Variants in OR2T1 observed in about 807,000 individuals in gnomAD.
OR2T1 encodes olfactory receptor family 2 subfamily T member 1, also known as olfactory receptor 2T1.
For synonymous variants in OR2T1, 186 were observed against 145.4 expected (o/e 1.28, Z -2.01); for missense variants, 440 against 390.2 (o/e 1.13, Z -1.07).
chr1:248,406,702 G>C lies in OR2T1; in HGVS notation c.555G>C (p.Lys185Asn). Residue 185 changes from lysine to asparagine, a missense_variant, in exon 2 of 2, where the codon AAG becomes AAC. By Grantham distance (94) the Lys-to-Asn change is moderately conservative. Coordinates refer to ENST00000642005, the MANE Select transcript of OR2T1 (RefSeq NM_030904.2). ...TCTGTGAGGCACCAGCAGTCCTGAAGTTGGCATGTGCAGACACAGCCCTCT... is the reference window on the plus strand; with the variant it reads ...TCTGTGAGGCACCAGCAGTCCTGAACTTGGCATGTGCAGACACAGCCCTCT... Reference protein sequence around the residue: ...HFFCEAPAVLKLACADTALYE... With the variant: ...HFFCEAPAVLNLACADTALYE... The C allele has an allele frequency of 6.2e-7, 1 of 1,614,152 alleles. No individual in the cohort carries two copies. Among genetic ancestry groups the C allele is most frequent in the Non-Finnish European group, 8.5e-7 (1 of 1,180,010 alleles).
Position 248,406,124 on chromosome 1 carries a change from T to G in OR2T1, c.-24T>G. 1 of 1,614,128 alleles carries G rather than the reference T, an allele frequency of 6.2e-7. No individual in the cohort carries two copies. Among genetic ancestry groups the G allele is most frequent in the Non-Finnish European group, 8.5e-7 (1 of 1,179,960 alleles). The stretch of plus-strand genomic sequence containing the variant: ...TCATCTTATTTGGAAGATATTACCT[T>G]ATATCGGCACAACTGTAGGATCAAT... On this transcript the variant is annotated 5_prime_UTR_variant, in exon 2 of 2. Transcript: ENST00000642005.
At chr1:248,404,200 G>C in intron 1 of OR2T1, among the ~76,000 whole-genome samples, 1 of 74 alleles carries the variant, frequency 0.014, no homozygotes, top group Admixed American at 0.17. Context: ...ATATACGTGT[G>C]TGTGTGTGTG....
chr1:248,403,736 A>G (rs1292746552), intron 1 of OR2T1, among the ~76,000 whole-genome samples: 1 of 152,180 alleles, frequency 6.6e-6, no homozygotes, highest in African/African-American at 2.4e-5. Context: ...CACTCTAGTG[A>G]GAGAGCAGAT....
At chr1:248,404,751 C>G (rs1661520649) in intron 1 of OR2T1, among the ~76,000 whole-genome samples, 1 of 151,960 alleles carries the variant, frequency 6.6e-6, no homozygotes, top group Non-Finnish European at 1.5e-5. Context: ...ATGCTTGGTA[C>G]ATTTTATTTG....
At chr1:248,405,859 G>C in intron 1 of OR2T1, 2 of 738,104 alleles carry the variant, frequency 2.7e-6, no homozygotes, top group Non-Finnish European at 4.4e-6. Context: ...CTTAGGCATT[G>C]TTATGCACAT....
chr1:248,407,960 C>G lies in OR2T1; in HGVS notation c.*856C>G, dbSNP rs1661607556. ...ATTTACAATCACTTGGTCAAAAGTA[C>G]AGGACAACTTGGGGCTTTTAATTGG... is the stretch of plus-strand genomic sequence containing the variant. On this transcript the variant is annotated 3_prime_UTR_variant, in exon 2 of 2. Coordinates refer to ENST00000642005, the MANE Select transcript of OR2T1 (RefSeq NM_030904.2). 1 of 152,312 alleles carries G rather than the reference C, an allele frequency of 6.6e-6. No individual in the cohort carries two copies. The highest frequency in any genetic ancestry group is 2.4e-5 in the African/African-American group (1 of 41,470). The allele number at this position is 152,312 out of a possible 1,614,324, so 9.4% of individuals were successfully genotyped here.
intron 1 of OR2T1, among the ~76,000 whole-genome samples, chr1:248,403,999 TTA>T (rs144768956): frequency 0.012 from 1,808 of 149,732 alleles, 35 homozygotes; most frequent in African/African-American, 0.04. Context: ...ATGTATATAC[TTA>T]TATATATATA....
In OR2T1 at chr1:248,407,988, C is replaced by A. The variant is rs1661608724; in HGVS notation, c.*884C>A. Reference sequence around the variant, plus strand: ...GACAACTTGGGGCTTTTAATTGGCACTGGAAATGGAAGGCAGTGTTATGGG... The same window carrying A: ...GACAACTTGGGGCTTTTAATTGGCAATGGAAATGGAAGGCAGTGTTATGGG... On this transcript the variant is annotated 3_prime_UTR_variant, in exon 2 of 2. Transcript: ENST00000642005. 1 of 152,290 alleles carries A rather than the reference C, an allele frequency of 6.6e-6. No homozygotes were observed. Among genetic ancestry groups the A allele is most frequent in the South Asian group, 2.1e-4 (1 of 4,836 alleles). 9.4% of individuals were successfully genotyped at this position (152,290 alleles called of 1,614,324 possible).
intron 1 of OR2T1, among the ~76,000 whole-genome samples, chr1:248,405,580 G>A: frequency 6.6e-6 from 1 of 152,008 alleles, no homozygotes; most frequent in East Asian, 1.9e-4. Context: ...CTTATAATTT[G>A]TCTGGGACAT....
chr1:248,406,722 C>A lies in OR2T1; in HGVS notation c.575C>A (p.Ala192Asp). 1 of 1,614,080 alleles carries A rather than the reference C, an allele frequency of 6.2e-7. No individual in the cohort carries two copies. The highest frequency in any genetic ancestry group is 8.5e-7 in the Non-Finnish European group (1 of 1,179,986). ...AVLKLACADTALYETVMYVCC... is the reference protein window; with the variant it reads ...AVLKLACADTDLYETVMYVCC... ...CTGAAGTTGGCATGTGCAGACACAG[C>A]CCTCTACGAGACAGTGATGTATGTG... Residue 192 changes from alanine (A) to aspartate (D), a missense_variant, in exon 2 of 2, where the codon GCC becomes GAC. Ala to Asp is a moderately radical substitution (Grantham distance 126). Coordinates refer to ENST00000642005, the MANE Select transcript of OR2T1 (RefSeq NM_030904.2).
rs1397991046 is a variant in OR2T1 at position 248,406,345 on chromosome 1, C to T, written c.198C>T (p.Ser66=). 4.3e-6 allele frequency: 7 copies of T among 1,614,000 alleles called. No individual in the cohort carries two copies. In the African/African-American group the frequency reaches 9.3e-5, roughly 22 times the overall value. ...TPMYFLLSHL[S]LIDMMYISTI... ...TGTACTTCCTCCTCAGCCACCTTTC[C>T]TTAATTGACATGATGTATATTTCCA... The change falls in exon 2 of 2, where the codon TCC becomes TCT. Residue 66 remains serine, a synonymous_variant. Coordinates refer to ENST00000642005, the MANE Select transcript of OR2T1 (RefSeq NM_030904.2).
intron 1 of OR2T1, among the ~76,000 whole-genome samples, chr1:248,404,927 GA>G (rs1661524036): frequency 6.6e-6 from 1 of 152,078 alleles, no homozygotes; most frequent in Non-Finnish European, 1.5e-5. Flanking sequence ...TCATTGGTGA[GA>G]GGGGCTTTTA....
chr1:248,405,068 T>C (rs770174944), intron 1 of OR2T1, among the ~76,000 whole-genome samples: 2 of 152,190 alleles, frequency 1.3e-5, no homozygotes, highest in Non-Finnish European at 2.9e-5. Context: ...AACTTCTTTT[T>C]CTGGGCAATT....
In OR2T1 at chr1:248,406,922, A is replaced by C. The variant is rs143560731; in HGVS notation, c.775A>C (p.Met259Leu). ...CTACGGGGCTGCCATGTACACCTAC[A>C]TGCTGCCACATTCTTACCACAAGCC... ...LFYGAAMYTYMLPHSYHKPAQ... is the reference protein window; with the variant it reads ...LFYGAAMYTYLLPHSYHKPAQ... The change falls in exon 2 of 2, where the codon ATG becomes CTG. Residue 259 changes from methionine to leucine, a missense_variant. By Grantham distance (15) the Met-to-Leu change is conservative. Transcript: ENST00000642005. 1.2e-6 allele frequency: 2 copies of C among 1,614,016 alleles called. No homozygotes were observed. The highest frequency in any genetic ancestry group is 2.7e-5 in the African/African-American group (2 of 74,922).
In OR2T1 at chr1:248,406,363, T is replaced by C; in HGVS notation, c.216T>C (p.Tyr72=). 6.2e-7 allele frequency: 1 copy of C among 1,614,176 alleles called. No homozygotes were observed. Residue 72 remains tyrosine (Y), a synonymous_variant, in exon 2 of 2, where the codon TAT becomes TAC. Coordinates refer to ENST00000642005, the MANE Select transcript of OR2T1 (RefSeq NM_030904.2). ...ACCTTTCCTTAATTGACATGATGTA[T>C]ATTTCCACTATTGTGCCTAAGATGC... The part of the protein sequence containing the change: ...LSHLSLIDMM[Y]ISTIVPKMLV...
At chr1:248,403,872 G>C (rs776987630) in intron 1 of OR2T1, among the ~76,000 whole-genome samples, 3 of 152,080 alleles carry the variant, frequency 2.0e-5, no homozygotes, top group East Asian at 1.9e-4. Context: ...AAATGGAGTA[G>C]ACTTTAGAAT....
rs1402481009 is a variant in OR2T1 at position 248,407,917 on chromosome 1, A to C, written c.*813A>C. ...ATAGTAAACTAACTGAACCCAAGGAAGGGCCGTGGGATCCCCAATTTACAA... is the reference window on the plus strand; with the variant it reads ...ATAGTAAACTAACTGAACCCAAGGACGGGCCGTGGGATCCCCAATTTACAA... On this transcript the variant is annotated 3_prime_UTR_variant, in exon 2 of 2. Transcript: ENST00000642005. The C allele has an allele frequency of 6.6e-6, 1 of 152,278 alleles. No homozygotes were observed. The highest frequency in any genetic ancestry group is 1.5e-5 in the Non-Finnish European group (1 of 68,054). 9.4% of individuals were successfully genotyped at this position (152,278 alleles called of 1,614,324 possible).
rs1661569155 is a variant in OR2T1 at position 248,406,737 on chromosome 1, T to G, written c.590T>G (p.Val197Gly). 1.9e-6 allele frequency: 3 copies of G among 1,613,994 alleles called. No individual in the cohort carries two copies. The highest frequency in any genetic ancestry group is 2.5e-6 in the Non-Finnish European group (3 of 1,179,998). The change falls in exon 2 of 2, where the codon GTG (valine) becomes GGG (glycine). Residue 197 changes from valine to glycine, a missense_variant. Val to Gly is a moderately radical substitution (Grantham distance 109). Transcript: ENST00000642005. The part of the protein sequence containing the change: ...ACADTALYET[V>G]MYVCCVLMLL... ...GCAGACACAGCCCTCTACGAGACAG[T>G]GATGTATGTGTGCTGTGTTTTGATG...
At chr1:248,406,011 A>C in intron 1 of OR2T1, 104 bp from the exon 2 acceptor site, 1 of 1,608,768 alleles carries the variant, frequency 6.2e-7, no homozygotes, top group Non-Finnish European at 8.5e-7. Context: ...CAAGAATACT[A>C]TTTTTTAAAT....
Sources: gnomAD v4.1 joint callset for allele counts (sites outside exome capture counted in the v4.1 genomes callset) on GRCh38, gnomAD v4.1.1 for gene constraint, MANE v1.5 for transcripts, NCBI Gene and HGNC (gene_info 2026-07-23, HGNC 2026-07-21) for gene names.